The following ATP2A2 variants were observed in gnomAD, a reference collection of about 807,000 sequenced individuals.
ATP2A2 encodes sarcoplasmic/endoplasmic reticulum calcium ATPase 2.
In ATP2A2, 14 loss-of-function variants were observed where a neutral mutation model predicts 109.3. The observed-to-expected ratio is 0.13, with a 90% CI of 0.08 to 0.20. The LOEUF (loss-of-function observed/expected upper bound fraction) is 0.20. Among genes scored for constraint, ATP2A2 ranks in the 10% least tolerant of loss-of-function variants. The pLI, the probability that ATP2A2 is intolerant of heterozygous loss-of-function variation, is 1.00. For missense variants in ATP2A2, 657 were observed against 1,321.6 expected (o/e 0.50, Z 7.80); for synonymous variants, 506 against 490.9 (o/e 1.03, Z -0.41).
At chr12:110,332,214 T>G in intron 8 of ATP2A2, 1 of 288,406 alleles carries the variant, frequency 3.5e-6, no homozygotes, top group Non-Finnish European at 6.7e-6. Flanking sequence ...CATTTGAAAT[T>G]TGGGATTCTG....
In ATP2A2 at chr12:110,342,904, A is replaced by AT. The variant is rs909281222; in HGVS notation, c.2319-321dup. On this transcript the variant is annotated intron_variant, in intron 15 of 19. Coordinates refer to ENST00000539276, the MANE Select transcript of ATP2A2 (RefSeq NM_170665.4). This position sits in a 1 kb window ranked among gnomAD's most constrained non-coding sequence, Gnocchi z 4.6. The stretch of plus-strand genomic sequence containing the variant: ...CAGGCATGCGCCACCACTCCCTGCC[A>AT]TTTTTTTGTGTTTTAGTAGAAATGA... 9.2e-5 allele frequency among the ~76,000 whole-genome samples: 14 copies of AT among 151,734 alleles called. No individual in the cohort carries two copies. The highest frequency in any genetic ancestry group is 7.9e-4 in the Admixed American group (12 of 15,206).
chr12:110,293,826 A>G (rs190682439), intron 4 of ATP2A2, among the ~76,000 whole-genome samples: 6,155 of 108,656 alleles, frequency 0.057, 237 homozygotes, highest in Middle Eastern at 0.14. Context: ...TGCCATATAT[A>G]TGTGTGTGTG....
rs769893630 is a variant in ATP2A2 at position 110,327,966 on chromosome 12, C to T, written c.1044C>T (p.Ile348=). The T allele has an allele frequency of 1.9e-6, 3 of 1,614,156 alleles. No individual in the cohort carries two copies. Among genetic ancestry groups the T allele is most frequent in the Middle Eastern group, 1.7e-4 (1 of 6,056 alleles). The change falls in exon 8 of 20, where the codon ATC becomes ATT. Residue 348 remains isoleucine (I), a synonymous_variant. Transcript: ENST00000539276. This position sits in a 1 kb window ranked among gnomAD's most constrained non-coding sequence, Gnocchi z 4.4. ...AAACCCTTGGTTGTACTTCTGTTATCTGCTCAGACAAGACTGGTACACTTA... is the reference window on the plus strand; with the variant it reads ...AAACCCTTGGTTGTACTTCTGTTATTTGCTCAGACAAGACTGGTACACTTA... ...SVETLGCTSV[I]CSDKTGTLTT...
chr12:110,315,979 C>T (rs1157897523), intron 5 of ATP2A2, among the ~76,000 whole-genome samples: 5 of 151,936 alleles, frequency 3.3e-5, no homozygotes, highest in Non-Finnish European at 2.9e-5. Context: ...CCCAGCTACT[C>T]GGGAGGCTGA....
In ATP2A2 at chr12:110,348,493, T is replaced by C. The variant is rs1880096566; in HGVS notation, c.*2023T>C. The C allele has an allele frequency of 1.0e-6, 1 of 985,460 alleles. No individual in the cohort carries two copies. The highest frequency in any genetic ancestry group is 1.7e-5 in the African/African-American group (1 of 57,304). The allele number at this position is 985,460 out of a possible 1,614,324, so 61.0% of individuals were successfully genotyped here. A position where few individuals can be genotyped will look rare whatever the true frequency, so the allele number is the denominator to read the frequency against. On this transcript the variant is annotated 3_prime_UTR_variant, in exon 20 of 20. Transcript: ENST00000539276. ...GGAGTTTGGGGAGGGTTAGGAGGCA[T>C]CAAGCAGGACAAGGTGCTGCTGAGT...
At chr12:110,289,867 AT>A (rs1358006247) in intron 3 of ATP2A2, among the ~76,000 whole-genome samples, 2 of 152,112 alleles carry the variant, frequency 1.3e-5, no homozygotes, top group African/African-American at 4.8e-5. Context: ...CATATTCATT[AT>A]TCTTAGTATT....
chr12:110,318,116 A>G (rs1346132578), intron 5 of ATP2A2, among the ~76,000 whole-genome samples: 1 of 152,238 alleles, frequency 6.6e-6, no homozygotes, highest in East Asian at 1.9e-4. Context: ...GATCATCGGA[A>G]CAGCCTAGCC....
chr12:110,310,735 G>A (rs980064476), intron 5 of ATP2A2, among the ~76,000 whole-genome samples: 2 of 152,158 alleles, frequency 1.3e-5, no homozygotes, highest in African/African-American at 4.8e-5. Flanking sequence ...ATAGCCAACA[G>A]GGTGCCAGCA....
chr12:110,304,633 A>G (rs1026655956), intron 5 of ATP2A2, among the ~76,000 whole-genome samples: 33 of 152,316 alleles, frequency 2.2e-4, no homozygotes, highest in African/African-American at 7.2e-4. Context: ...ATGTTGAGGT[A>G]TAAGAATTCT....
At position 110,281,636 on chromosome 12, in the gene ATP2A2, A is replaced by T. The variant is rs931862914; in HGVS notation, c.-154A>T. On this transcript the variant is annotated 5_prime_UTR_variant, in exon 1 of 20. Transcript: ENST00000539276. ...TGGGGGAGGGGGCGCGGGGTGATTC[A>T]GCGCCCGGCGAGGCGGAAGCGGCCG... 9.2e-6 allele frequency: 4 copies of T among 435,508 alleles called. No individual in the cohort carries two copies. The highest frequency in any genetic ancestry group is 8.3e-5 in the South Asian group (2 of 24,006). 27.0% of individuals were successfully genotyped at this position (435,508 alleles called of 1,614,324 possible). A position where few individuals can be genotyped will look rare whatever the true frequency, so the allele number is the denominator to read the frequency against.
chr12:110,320,125 A>G (rs1022196378), intron 5 of ATP2A2, among the ~76,000 whole-genome samples: 4 of 152,222 alleles, frequency 2.6e-5, no homozygotes, highest in African/African-American at 7.2e-5. Context: ...ATTTATTTCA[A>G]ATCCTCTGAG....
chr12:110,314,657 C>T (rs938780065), intron 5 of ATP2A2, among the ~76,000 whole-genome samples: 1 of 152,104 alleles, frequency 6.6e-6, no homozygotes, highest in Non-Finnish European at 1.5e-5. Context: ...TAATAGATCC[C>T]TCCTTAGAGT....
rs1879975275 is a variant in ATP2A2 at position 110,347,338 on chromosome 12, T to G, written c.*868T>G. 7.8e-7 allele frequency: 1 copy of G among 1,286,410 alleles called. No homozygotes were observed. The allele number at this position is 1,286,410 out of a possible 1,614,324, so 79.7% of individuals were successfully genotyped here. A position where few individuals can be genotyped will look rare whatever the true frequency, so the allele number is the denominator to read the frequency against. On this transcript the variant is annotated 3_prime_UTR_variant, in exon 20 of 20. Transcript: ENST00000539276. The stretch of plus-strand genomic sequence containing the variant: ...ACAGAGAAAAATAACTGTCTTGTCT[T>G]TAACTCGTAAGTGGCTTACCTGGGA...
intron 8 of ATP2A2, chr12:110,332,259 C>T: frequency 2.8e-6 from 1 of 354,330 alleles, no homozygotes; most frequent in Admixed American, 4.1e-5. Context: ...CTGGAACTGA[C>T]CTTTTGCTGA....
chr12:110,301,022 T>G (rs1050422695), intron 5 of ATP2A2, among the ~76,000 whole-genome samples: 4 of 152,126 alleles, frequency 2.6e-5, no homozygotes, highest in Admixed American at 6.6e-5. Flanking sequence ...TTCTCCAGCT[T>G]CTTCTTGTTT....
chr12:110,292,237 C>G (rs999092794), intron 4 of ATP2A2, 113 bp downstream of exon 4: 1 of 832,982 alleles, frequency 1.2e-6, no homozygotes, highest in Non-Finnish European at 2.0e-6. Flanking sequence ...AATATGTTTG[C>G]GGGAAGTTTA....
At chr12:110,343,461 A>G (rs1305357305) in intron 16 of ATP2A2, 27 bp downstream of exon 16, 18 of 1,610,126 alleles carry the variant, frequency 1.1e-5, no homozygotes, top group Non-Finnish European at 1.5e-5. Flanking sequence ...TATATTACTG[A>G]TTTTTAAACA....
chr12:110,302,708 T>G (rs1307266741), intron 5 of ATP2A2, among the ~76,000 whole-genome samples: 2 of 152,072 alleles, frequency 1.3e-5, no homozygotes, highest in Non-Finnish European at 2.9e-5. Context: ...AAGTGATTCT[T>G]GTGCCTCAGC....
intron 3 of ATP2A2, among the ~76,000 whole-genome samples, chr12:110,284,412 A>G (rs958169167): frequency 6.6e-6 from 1 of 152,208 alleles, no homozygotes; most frequent in African/African-American, 2.4e-5. Context: ...CAGAAGCAAA[A>G]TACATTTTTA....
Sources: gnomAD v4.1 joint callset for allele counts (sites outside exome capture counted in the v4.1 genomes callset) on GRCh38, gnomAD v4.1.1 for gene constraint, Gnocchi (gnomAD v3.1) non-coding constraint, MANE v1.5 for transcripts, NCBI Gene and HGNC (gene_info 2026-07-23, HGNC 2026-07-21) for gene names.